The following CLASP2 variants were observed in gnomAD, a reference collection of about 807,000 sequenced individuals.
CLASP2 encodes CLIP-associating protein 2.
In CLASP2, 47 loss-of-function variants were observed where a neutral mutation model predicts 194.4. The ratio of observed to expected loss-of-function variants is 0.24; its 90% CI spans 0.19 to 0.31. CLASP2 has a LOEUF of 0.31. CLASP2 is among the 10% of genes least tolerant of loss of function. The pLI is 1.00. For missense variants in CLASP2, 1,445 were observed against 1,823.6 expected, an observed-to-expected ratio of 0.79 and a Z score of 3.78; for synonymous variants, 619 against 633.5, an observed-to-expected ratio of 0.98 and a Z score of 0.34.
At chr3:33,636,793 G>T (rs2080227480) in intron 8 of CLASP2, among the ~76,000 whole-genome samples, 1 of 152,094 alleles carries the variant, frequency 6.6e-6, no homozygotes, top group Admixed American at 6.5e-5. Context: ...TGGAGACAGG[G>T]TTTTACCATA....
intron 23 of CLASP2, 52 bp from the exon 24 acceptor site, chr3:33,576,327 G>T: frequency 1.4e-6 from 2 of 1,441,656 alleles, no homozygotes; most frequent in Non-Finnish European, 9.7e-7. Context: ...AAATATAACA[G>T]TGTCAGGTTG....
intron 8 of CLASP2, among the ~76,000 whole-genome samples, chr3:33,643,239 A>G (rs1334232195): frequency 6.6e-6 from 1 of 151,892 alleles, no homozygotes; most frequent in African/African-American, 2.4e-5. Context: ...AATGTTATAT[A>G]TTATCACCAC....
intron 13 of CLASP2, among the ~76,000 whole-genome samples, chr3:33,609,401 T>C (rs1577144656): frequency 6.6e-6 from 1 of 152,184 alleles, no homozygotes; most frequent in African/African-American, 2.4e-5. Flanking sequence ...ACAATCTGGA[T>C]CTTTCATCTT....
rs1158117039 is a variant in CLASP2, at chr3:33,516,163, C to T, written c.3982-12G>A. 1 of 1,584,692 alleles carries T rather than the reference C, an allele frequency of 6.3e-7. No homozygotes were observed. On this transcript the variant is annotated splice_polypyrimidine_tract_variant and intron_variant, in intron 35 of 38. Coordinates refer to ENST00000682230, the MANE Select transcript of CLASP2 (RefSeq NM_001365631.1). ...GCCCTGATTGTAGGCTAAGAAGAAA[C>T]ATTTAAATGTTTTTAATATTTTGGG...
Position 33,685,604 on chromosome 3 carries a change from C to T in CLASP2, c.547-1148G>A, listed in dbSNP as rs540874729. On this transcript the variant is annotated intron_variant, in intron 5 of 38. Transcript: ENST00000682230. ...ATAAACCAAATGTGCTATATACACA[C>T]GATGGAATATTATTCAGCCTAAAAA... Among the ~76,000 whole-genome samples, 5 of 152,076 alleles carry T rather than the reference C, an allele frequency of 3.3e-5. No individual in the cohort carries two copies. The East Asian group carries it at 5.8e-4, about 18-fold the overall frequency.
At chr3:33,533,028 T>C (rs2056645889) in intron 34 of CLASP2, among the ~76,000 whole-genome samples, 1 of 152,236 alleles carries the variant, frequency 6.6e-6, no homozygotes, top group Non-Finnish European at 1.5e-5. Context: ...CTTGATCATT[T>C]TAAGATTAAA....
intron 1 of CLASP2, among the ~76,000 whole-genome samples, chr3:33,708,084 G>A (rs947926017): frequency 9.9e-5 from 15 of 152,002 alleles, no homozygotes; most frequent in Non-Finnish European, 2.1e-4. Flanking sequence ...TGGTGAGAAC[G>A]TGACATCTAC....
chr3:33,577,276 G>C lies in CLASP2; in HGVS notation c.2348-1001C>G, dbSNP rs755232726. ...ATGGTGTCTGGAGGCTGGAATAACA[G>C]GACCATACAAACCTCATCTATTACC... On this transcript the variant is annotated intron_variant, in intron 23 of 38. Coordinates refer to ENST00000682230, the MANE Select transcript of CLASP2 (RefSeq NM_001365631.1). 30 of 1,596,314 alleles carry C rather than the reference G, an allele frequency of 1.9e-5. 1 individual carries two copies. In the South Asian group the frequency reaches 3.1e-4, roughly 16 times the overall value.
chr3:33,553,708 T>A lies in CLASP2; in HGVS notation c.3010-2313A>T, dbSNP rs965747666. The stretch of plus-strand genomic sequence containing the variant: ...TTATCAAAAAGATGAAAGATATGTG[T>A]TGGTGATGATGTGGAGAAAACGAAA... On this transcript the variant is annotated intron_variant, in intron 29 of 38. Coordinates refer to ENST00000682230, the MANE Select transcript of CLASP2 (RefSeq NM_001365631.1). 1.4e-4 allele frequency among the ~76,000 whole-genome samples: 21 copies of A among 152,148 alleles called. 1 individual carries two copies. The highest frequency in any genetic ancestry group is 5.2e-4 in the Admixed American group (8 of 15,270).
rs374225325 is a variant in CLASP2 at position 33,663,508 on chromosome 3, T to A, written c.652A>T (p.Met218Leu). The stretch of plus-strand genomic sequence containing the variant: ...ACTTCATCAAATTTGGCAAATATCA[T>A]TTCTAATCTGGGAATAAAGAATAAA... Reference protein sequence around the residue: ...KRGIPPARLEMIFAKFDEVQS... With the variant: ...KRGIPPARLELIFAKFDEVQS... Residue 218 changes from methionine (M) to leucine (L), a missense_variant, in exon 7 of 39, where the codon ATG (methionine) becomes TTG (leucine). Met to Leu is a conservative substitution (Grantham distance 15). Transcript: ENST00000682230. 4.4e-6 allele frequency: 7 copies of A among 1,609,182 alleles called. No homozygotes were observed. Among genetic ancestry groups the A allele is most frequent in the South Asian group, 1.1e-5 (1 of 90,842 alleles).
At chr3:33,540,844 C>T (rs1420148462) in intron 32 of CLASP2, among the ~76,000 whole-genome samples, 3 of 151,120 alleles carry the variant, frequency 2.0e-5, no homozygotes, top group African/African-American at 7.3e-5. Context: ...ACGACATCAG[C>T]TCACTGCAAC....
chr3:33,696,622 C>T (rs1300029387), intron 2 of CLASP2, among the ~76,000 whole-genome samples: 2 of 151,942 alleles, frequency 1.3e-5, no homozygotes, highest in African/African-American at 2.4e-5. Flanking sequence ...CACGCCATCA[C>T]ACCTGGCTAA....
intron 12 of CLASP2, among the ~76,000 whole-genome samples, chr3:33,617,166 G>A (rs1018342640): frequency 1.3e-5 from 2 of 150,898 alleles, no homozygotes; most frequent in Non-Finnish European, 2.9e-5. Context: ...ACGAAAATTA[G>A]CATTTAATTT....
intron 2 of CLASP2, 40 bp from the exon 3 acceptor site, chr3:33,689,972 C>T (rs759485558): frequency 3.1e-6 from 4 of 1,284,386 alleles, no homozygotes; most frequent in African/African-American, 3.0e-5. Context: ...TTACTTATAA[C>T]TCATCTCCAT....
chr3:33,568,630 C>T (rs1016048336), intron 26 of CLASP2, among the ~76,000 whole-genome samples: 1 of 148,284 alleles, frequency 6.7e-6, no homozygotes, highest in African/African-American at 2.5e-5. Flanking sequence ...AGTTTTATTG[C>T]AACCCAACAC....
At chr3:33,628,279 C>G (rs1313850680) in intron 9 of CLASP2, among the ~76,000 whole-genome samples, 2 of 152,118 alleles carry the variant, frequency 1.3e-5, no homozygotes, top group Non-Finnish European at 2.9e-5. Context: ...TCTGAGCTAG[C>G]TCTTTCCTGC....
At chr3:33,613,064 A>C (rs2075481343) in intron 12 of CLASP2, among the ~76,000 whole-genome samples, 2 of 152,340 alleles carry the variant, frequency 1.3e-5, no homozygotes, top group South Asian at 2.1e-4. Context: ...ATAAATATTT[A>C]AGGTGATTAA....
At chr3:33,580,877 G>T (rs377525184) in intron 23 of CLASP2, among the ~76,000 whole-genome samples, 5 of 151,562 alleles carry the variant, frequency 3.3e-5, no homozygotes, top group African/African-American at 7.3e-5. Flanking sequence ...TTAGCCGGGC[G>T]TGGTGGCAGG....
At chr3:33,630,015 A>C (rs1404922154) in intron 9 of CLASP2, among the ~76,000 whole-genome samples, 2 of 152,124 alleles carry the variant, frequency 1.3e-5, no homozygotes, top group Non-Finnish European at 2.9e-5. Flanking sequence ...TAAAAAAGCA[A>C]GGAGATCCTA....
Sources: allele counts gnomAD v4.1 joint callset (sites outside exome capture counted in the v4.1 genomes callset), GRCh38; gene constraint gnomAD v4.1.1; transcripts MANE v1.5; gene names NCBI Gene and HGNC (gene_info 2026-07-23, HGNC 2026-07-21).